The following PCSK6 variants were observed in gnomAD, a reference collection of about 807,000 sequenced individuals.
The protein encoded by PCSK6 is proprotein convertase subtilisin/kexin type 6, also known as paired basic amino acid cleaving enzyme 4.
PCSK6 carries 85 observed loss-of-function variants against 123.3 expected under a neutral mutation model. That is an observed-to-expected ratio of 0.69 (90% confidence interval 0.58 to 0.83). PCSK6 has a LOEUF of 0.83. PCSK6 is among the 40% of genes least tolerant of loss of function. The pLI is 0.00. For synonymous variants in PCSK6, 508 were observed against 516.0 expected (o/e 0.98, Z 0.21); for missense variants, 1,191 against 1,282.3 (o/e 0.93, Z 1.09).
At position 101,430,082 on chromosome 15, in the gene PCSK6, G is replaced by C; in HGVS notation, c.658-19C>G. ...AGGAATCCTAAGAAATGGAATCGTG[G>C]TGAGTGAGGAGAAATGGCATGTGAC... On this transcript the variant is annotated intron_variant, in intron 4 of 21. Transcript: ENST00000611716. 6.2e-7 allele frequency: 1 copy of C among 1,607,780 alleles called. No homozygotes were observed. Among genetic ancestry groups the C allele is most frequent in the Non-Finnish European group, 8.5e-7 (1 of 1,174,334 alleles).
At chr15:101,395,215 G>C (rs1387781515) in intron 7 of PCSK6, among the ~76,000 whole-genome samples, 1 of 152,160 alleles carries the variant, frequency 6.6e-6, no homozygotes, top group Non-Finnish European at 1.5e-5. Context: ...ACTGCTCCAG[G>C]AGCAGAGAAT....
chr15:101,362,677 G>C (rs1486076938), intron 13 of PCSK6, among the ~76,000 whole-genome samples: 1 of 152,182 alleles, frequency 6.6e-6, no homozygotes, highest in Admixed American at 6.5e-5. Context: ...TGTCTTACCT[G>C]ATTTCATCCC....
chr15:101,374,074 G>A (rs1043211968), intron 11 of PCSK6, among the ~76,000 whole-genome samples: 3 of 152,178 alleles, frequency 2.0e-5, no homozygotes, highest in Non-Finnish European at 4.4e-5. Flanking sequence ...CCAGGGAGAC[G>A]GCCAGACTTG....
At chr15:101,431,961 G>A in intron 3 of PCSK6, 29 bp downstream of exon 3, 1 of 1,505,532 alleles carries the variant, frequency 6.6e-7, no homozygotes, top group East Asian at 2.3e-5. Flanking sequence ...CAAGTGTCCT[G>A]GGGCAGACAG....
chr15:101,416,898 T>G (rs1596312078), intron 6 of PCSK6, among the ~76,000 whole-genome samples: 1 of 152,284 alleles, frequency 6.6e-6, no homozygotes, highest in African/African-American at 2.4e-5. Flanking sequence ...AGGCAGAACT[T>G]TGCTGCAGGG....
At chr15:101,483,886 A>G (rs7164308) in intron 1 of PCSK6, among the ~76,000 whole-genome samples, 3 of 152,156 alleles carry the variant, frequency 2.0e-5, no homozygotes, top group African/African-American at 7.2e-5. Context: ...ACTTCTTAAC[A>G]TGGGCCTGCA....
intron 6 of PCSK6, among the ~76,000 whole-genome samples, chr15:101,410,967 C>T (rs1424250798): frequency 1.3e-5 from 2 of 152,230 alleles, no homozygotes; most frequent in African/African-American, 4.8e-5. Context: ...ATCTGCACCA[C>T]AGTGAAAAGA....
intron 1 of PCSK6, among the ~76,000 whole-genome samples, chr15:101,456,563 C>G (rs1001158578): frequency 3.9e-5 from 6 of 152,202 alleles, no homozygotes; most frequent in African/African-American, 9.7e-5. Context: ...AGGGGAGAGG[C>G]TGACAGGAGC....
intron 13 of PCSK6, among the ~76,000 whole-genome samples, chr15:101,358,259 G>A (rs909199145): frequency 2.0e-5 from 3 of 152,194 alleles, no homozygotes; most frequent in African/African-American, 7.2e-5. Context: ...TACCCTTGGG[G>A]CAGTCGCCAT....
chr15:101,442,278 T>C (rs1567224206), intron 2 of PCSK6, among the ~76,000 whole-genome samples: 1 of 152,158 alleles, frequency 6.6e-6, no homozygotes, highest in African/African-American at 2.4e-5. Flanking sequence ...ATTAGCACAA[T>C]GTTTCATATC....
chr15:101,450,035 C>T (rs990950533), intron 1 of PCSK6, among the ~76,000 whole-genome samples: 1 of 152,144 alleles, frequency 6.6e-6, no homozygotes, highest in African/African-American at 2.4e-5. Context: ...GCACCCTCGC[C>T]ATCCTGCACC....
At chr15:101,359,530 C>T (rs2041149026) in intron 13 of PCSK6, among the ~76,000 whole-genome samples, 1 of 152,252 alleles carries the variant, frequency 6.6e-6, no homozygotes. Context: ...TATCATACAC[C>T]ATGCAGCAGG....
rs377425553 is a variant in PCSK6, at chr15:101,417,644, A to G, written c.823+10248T>C. Among the ~76,000 whole-genome samples the G allele has an allele frequency of 2.6e-5, 4 of 152,154 alleles. No homozygotes were observed. In the East Asian group the frequency reaches 5.8e-4, roughly 22 times the overall value. On this transcript the variant is annotated intron_variant, in intron 6 of 21. Coordinates refer to ENST00000611716, the MANE Select transcript of PCSK6 (RefSeq NM_002570.5). ...GTAAGAGGTGATGAAAGGAGAATGTATGATTATTTATTTATTTATTAGAAC... is the reference window on the plus strand; with the variant it reads ...GTAAGAGGTGATGAAAGGAGAATGTGTGATTATTTATTTATTTATTAGAAC...
At chr15:101,485,834 T>C (rs1055256442) in intron 1 of PCSK6, among the ~76,000 whole-genome samples, 1 of 152,226 alleles carries the variant, frequency 6.6e-6, no homozygotes, top group African/African-American at 2.4e-5. Context: ...TGTGATTTCA[T>C]ATTCCACATT....
At chr15:101,400,490 A>G (rs1384774229) in intron 6 of PCSK6, among the ~76,000 whole-genome samples, 2 of 152,224 alleles carry the variant, frequency 1.3e-5, no homozygotes, top group Non-Finnish European at 2.9e-5. Flanking sequence ...AACTTTAAAT[A>G]TGACTGACTT....
intron 11 of PCSK6, among the ~76,000 whole-genome samples, chr15:101,372,014 C>T (rs2041601656): frequency 6.6e-6 from 1 of 152,086 alleles, no homozygotes; most frequent in Non-Finnish European, 1.5e-5. Flanking sequence ...CTGACACACT[C>T]CCCAGACCAA....
chr15:101,488,079 A>G (rs1440323627), intron 1 of PCSK6, among the ~76,000 whole-genome samples: 1 of 152,154 alleles, frequency 6.6e-6, no homozygotes, highest in African/African-American at 2.4e-5. Context: ...CACACACCTA[A>G]TAGTACATCA....
intron 13 of PCSK6, among the ~76,000 whole-genome samples, chr15:101,359,762 A>C (rs1383133104): frequency 6.6e-6 from 1 of 152,238 alleles, no homozygotes; most frequent in African/African-American, 2.4e-5. Flanking sequence ...CTCGCTCAGC[A>C]CCCACACGCA....
intron 11 of PCSK6, among the ~76,000 whole-genome samples, chr15:101,378,329 G>A (rs979292989): frequency 7.9e-5 from 12 of 152,262 alleles, no homozygotes; most frequent in South Asian, 2.1e-4. Flanking sequence ...TCTGGTCTAC[G>A]GTCTGACGAT....
Sources: gnomAD v4.1 joint callset for allele counts (sites outside exome capture counted in the v4.1 genomes callset) on GRCh38, gnomAD v4.1.1 for gene constraint, MANE v1.5 for transcripts, NCBI Gene and HGNC (gene_info 2026-07-23, HGNC 2026-07-21) for gene names.